Variants in SLC8A1 observed in about 807,000 individuals in gnomAD.
The protein encoded by SLC8A1 is sodium/calcium exchanger 1.
In SLC8A1, 18 loss-of-function variants were observed where a neutral mutation model predicts 68.3. The observed-to-expected ratio is 0.26, with a 90% CI of 0.18 to 0.39. The LOEUF (loss-of-function observed/expected upper bound fraction) is 0.39, where lower values mean the gene tolerates loss of function less well. SLC8A1 is among the 10% of genes least tolerant of loss of function. The pLI is 1.00. For synonymous variants in SLC8A1, 475 were observed against 415.5 expected (o/e 1.14, Z -1.74); for missense variants, 985 against 1,156.7 (o/e 0.85, Z 2.15).
rs531683482 is a variant in SLC8A1 at position 40,443,479 on chromosome 2, T to G, written c.-25+8425A>C. 6.6e-5 allele frequency among the ~76,000 whole-genome samples: 10 copies of G among 152,298 alleles called. No individual in the cohort carries two copies. The East Asian group carries it at 1.9e-3, about 29-fold the overall frequency. On this transcript the variant is annotated intron_variant, in intron 1 of 7. Transcript: ENST00000406785. Reference sequence around the variant, plus strand: ...GGTCTTAGGTGGACACTTTTGTAATTACCCTTCTCTGTAACAGGATTATTC... The same window carrying G: ...GGTCTTAGGTGGACACTTTTGTAATGACCCTTCTCTGTAACAGGATTATTC...
intron 7 of SLC8A1, among the ~76,000 whole-genome samples, chr2:40,137,293 C>T (rs1018662435): frequency 6.6e-6 from 1 of 152,172 alleles, no homozygotes; most frequent in African/African-American, 2.4e-5. Context: ...AAAACACTTT[C>T]AGGAACAAGG....
Position 40,249,847 on chromosome 2 carries a change from T to G in SLC8A1, c.1809-71992A>C, listed in dbSNP as rs183793427. On this transcript the variant is annotated intron_variant, in intron 2 of 7. Transcript: ENST00000406785. ...TACTTAACACAGGAAGGGTGTAGACTTCACTGAAATGACTAATTGATGTTC... is the reference window on the plus strand; with the variant it reads ...TACTTAACACAGGAAGGGTGTAGACGTCACTGAAATGACTAATTGATGTTC... Among the ~76,000 whole-genome samples, 12 of 152,264 alleles carry G rather than the reference T, an allele frequency of 7.9e-5. 1 individual carries two copies. In the East Asian group the frequency reaches 2.3e-3, roughly 29 times the overall value.
At chr2:40,153,287 G>A (rs1488932992) in intron 6 of SLC8A1, among the ~76,000 whole-genome samples, 1 of 152,146 alleles carries the variant, frequency 6.6e-6, no homozygotes, top group African/African-American at 2.4e-5. Flanking sequence ...CAACTCACAA[G>A]GTCATCTCTT....
At position 40,444,072 on chromosome 2, in the gene SLC8A1, C is replaced by T. The variant is rs75414262; in HGVS notation, c.-25+7832G>A. Among the ~76,000 whole-genome samples the T allele has an allele frequency of 7.2e-4, 110 of 152,272 alleles. No homozygotes were observed. In the East Asian group the frequency reaches 0.019, roughly 26 times the overall value. On this transcript the variant is annotated intron_variant, in intron 1 of 7. Transcript: ENST00000406785. ...GTCATCTAGGCCAGGTACAGTAGCT[C>T]ATGACTATAATCCCAGCACTTTGGG...
chr2:40,408,362 G>A (rs550211547), intron 2 of SLC8A1, among the ~76,000 whole-genome samples: 8 of 152,230 alleles, frequency 5.3e-5, no homozygotes, highest in African/African-American at 1.7e-4. Context: ...TTAGACTGTG[G>A]ATATCCTCAC....
intron 2 of SLC8A1, among the ~76,000 whole-genome samples, chr2:40,401,776 G>T (rs188399540): frequency 6.6e-6 from 1 of 152,010 alleles, no homozygotes; most frequent in African/African-American, 2.4e-5. Flanking sequence ...TTTATATATT[G>T]ATCTTACATT....
At chr2:40,302,836 T>C (rs2071783792) in intron 2 of SLC8A1, among the ~76,000 whole-genome samples, 1 of 152,156 alleles carries the variant, frequency 6.6e-6, no homozygotes, top group African/African-American at 2.4e-5. Flanking sequence ...ACAGTGGTTG[T>C]ACTCATACAT....
chr2:40,274,016 C>A (rs1363217916), intron 2 of SLC8A1, among the ~76,000 whole-genome samples: 1 of 151,710 alleles, frequency 6.6e-6, no homozygotes, highest in Non-Finnish European at 1.5e-5. Context: ...CTCTCCACAG[C>A]CCCAGCTGCA....
At chr2:40,260,426 T>C (rs1019802586) in intron 2 of SLC8A1, among the ~76,000 whole-genome samples, 7 of 152,198 alleles carry the variant, frequency 4.6e-5, no homozygotes, top group Admixed American at 1.3e-4. Flanking sequence ...TACCTTTTTT[T>C]CCCATAGGCT....
At chr2:40,310,521 G>A (rs990932297) in intron 2 of SLC8A1, among the ~76,000 whole-genome samples, 2 of 152,160 alleles carry the variant, frequency 1.3e-5, no homozygotes, top group African/African-American at 2.4e-5. Flanking sequence ...AGCAGCCAAG[G>A]ATCTGTAGTA....
At chr2:40,361,628 CCTCACT>C (rs1674660659) in intron 2 of SLC8A1, among the ~76,000 whole-genome samples, 1 of 151,936 alleles carries the variant, frequency 6.6e-6, no homozygotes, top group African/African-American at 2.4e-5. Context: ...CTGTAGGGTA[CCTCACT>C]GCCTATAAAC....
At chr2:40,255,641 C>G (rs2063788353) in intron 2 of SLC8A1, among the ~76,000 whole-genome samples, 1 of 152,094 alleles carries the variant, frequency 6.6e-6, no homozygotes, top group Non-Finnish European at 1.5e-5. Flanking sequence ...GCTTTAGCAT[C>G]TCATAATTTT....
At chr2:40,304,623 C>G (rs1213748230) in intron 2 of SLC8A1, among the ~76,000 whole-genome samples, 1 of 152,148 alleles carries the variant, frequency 6.6e-6, no homozygotes, top group African/African-American at 2.4e-5. Context: ...GTTTGGCATC[C>G]TCTTCAACAT....
At chr2:40,428,039 C>A (rs946423830) in intron 2 of SLC8A1, among the ~76,000 whole-genome samples, 2 of 152,028 alleles carry the variant, frequency 1.3e-5, no homozygotes, top group Non-Finnish European at 2.9e-5. Context: ...CAGGGTGTTT[C>A]CTTTTTGGGT....
intron 4 of SLC8A1, among the ~76,000 whole-genome samples, chr2:40,166,482 A>G (rs978437804): frequency 5.3e-5 from 8 of 152,238 alleles, no homozygotes; most frequent in African/African-American, 1.9e-4. Context: ...GCAGACTAAA[A>G]ATAAATGATT....
chr2:40,375,787 G>T (rs544620436), intron 2 of SLC8A1, among the ~76,000 whole-genome samples: 30 of 152,068 alleles, frequency 2.0e-4, no homozygotes, highest in Non-Finnish European at 4.1e-4. Context: ...CAGATTGCTT[G>T]AGCTCGAAAG....
chr2:40,115,097 G>T, exon 8 of SLC8A1: 1 of 468,010 alleles, frequency 2.1e-6, no homozygotes, highest in Non-Finnish European at 3.4e-6. Context: ...GGAGGTGATG[G>T]TTTTTTACTT....
chr2:40,278,495 AC>A, intron 2 of SLC8A1, among the ~76,000 whole-genome samples: 1 of 151,958 alleles, frequency 6.6e-6, no homozygotes, highest in Non-Finnish European at 1.5e-5. Flanking sequence ...ACAAAACAAA[AC>A]AAAACAAAAA....
chr2:40,462,506 A>T (rs1424064242), intron 1 of SLC8A1, among the ~76,000 whole-genome samples: 4 of 150,640 alleles, frequency 2.7e-5, no homozygotes, highest in Non-Finnish European at 5.9e-5. Context: ...GCAGTATCTC[A>T]TATTAGAGAA....
Sources: gnomAD v4.1 joint callset for allele counts (sites outside exome capture counted in the v4.1 genomes callset) on GRCh38, gnomAD v4.1.1 for gene constraint, MANE v1.5 for transcripts, NCBI Gene and HGNC (gene_info 2026-07-23, HGNC 2026-07-21) for gene names.